The following ABCA4 variants were observed in gnomAD, a reference collection of about 807,000 sequenced individuals.
The protein encoded by ABCA4 is ATP binding cassette subfamily A member 4.
Under a neutral mutation model 263.7 loss-of-function variants are expected in ABCA4, and 196 were observed. The ratio of observed to expected loss-of-function variants is 0.74; its 90% CI spans 0.66 to 0.84. ABCA4 has a LOEUF of 0.84. Among genes scored for constraint, ABCA4 ranks in the 40% least tolerant of loss-of-function variants. The probability of loss-of-function intolerance (pLI) is 0.00; values close to 1 mark genes in which losing one functional copy is unlikely to be tolerated. For missense variants in ABCA4, 2,792 were observed against 2,855.1 expected (o/e 0.98, Z 0.50); for synonymous variants, 1,133 against 1,094.2 (o/e 1.04, Z -0.70).
chr1:93,997,785 T>G (rs527854457), intron 48 of ABCA4, 76 bp downstream of exon 48: 1 of 1,595,382 alleles, frequency 6.3e-7, no homozygotes, highest in African/African-American at 1.3e-5. Context: ...TGCCTCCCTC[T>G]TATGGCAATT....
intron 36 of ABCA4, among the ~76,000 whole-genome samples, chr1:94,017,088 T>G (rs1394272085): frequency 1.3e-5 from 2 of 152,172 alleles, no homozygotes; most frequent in South Asian, 4.1e-4. Context: ...GATTAACACA[T>G]GAACCATGAC....
intron 4 of ABCA4, among the ~76,000 whole-genome samples, chr1:94,108,211 C>T (rs868157559): frequency 2.0e-5 from 3 of 152,202 alleles, no homozygotes; most frequent in Admixed American, 6.5e-5. Context: ...TCCTGGTTAG[C>T]TCTCGCTCTA....
In ABCA4 at chr1:94,041,325, C is replaced by T; in HGVS notation, c.3406G>A (p.Gly1136Arg). Reference protein sequence around the residue: ...LGDRIAIIAQGRLYCSGTPLF... With the variant: ...LGDRIAIIAQRRLYCSGTPLF... ...GGGGTGCCTGAGCAGTAGAGCCTTC[C>T]CTGGGCAATGATGGCAATGCGGTCC... The change falls in exon 23 of 50, where the codon GGA (glycine) becomes AGA (arginine). Residue 1136 changes from glycine to arginine, a missense_variant. Physicochemically the swap from Gly to Arg is moderately radical, Grantham distance 125 (BLOSUM62 -2). Transcript: ENST00000370225. 6.2e-7 allele frequency: 1 copy of T among 1,614,078 alleles called. No homozygotes were observed. The highest frequency in any genetic ancestry group is 1.1e-5 in the South Asian group (1 of 91,084).
chr1:94,003,776 G>C (rs1021915924), intron 44 of ABCA4, among the ~76,000 whole-genome samples: 1 of 152,032 alleles, frequency 6.6e-6, no homozygotes, highest in Non-Finnish European at 1.5e-5. Context: ...TGGGACTATA[G>C]GCGTGCACCA....
chr1:94,100,040 T>A (rs1321543403), intron 5 of ABCA4, among the ~76,000 whole-genome samples: 2 of 152,118 alleles, frequency 1.3e-5, no homozygotes, highest in Non-Finnish European at 2.9e-5. Flanking sequence ...TTCGTGAGAT[T>A]CCCGGGGCAC....
At chr1:94,053,750 T>C (rs886295835) in intron 16 of ABCA4, among the ~76,000 whole-genome samples, 2 of 152,256 alleles carry the variant, frequency 1.3e-5, no homozygotes, top group African/African-American at 4.8e-5. Flanking sequence ...GAGATATAAA[T>C]GGCTGTTGTC....
intron 18 of ABCA4, 140 bp downstream of exon 18, chr1:94,048,728 C>A (rs1660754922): frequency 1.3e-6 from 1 of 797,410 alleles, no homozygotes; most frequent in Admixed American, 2.0e-5. Flanking sequence ...GAGAAGGGAT[C>A]TGGTTTAACA....
intron 3 of ABCA4, 46 bp from the exon 4 acceptor site, chr1:94,108,762 A>G: frequency 6.2e-7 from 1 of 1,606,088 alleles, no homozygotes; most frequent in Non-Finnish European, 8.5e-7. Context: ...TGTTATTTTT[A>G]TAACAGTAAT....
At chr1:93,995,999 C>G (rs935122623) in intron 49 of ABCA4, 110 bp downstream of exon 49, 21 of 951,206 alleles carry the variant, frequency 2.2e-5, no homozygotes, top group Non-Finnish European at 2.6e-5. Context: ...GGGTGGGGCT[C>G]TCTGTAGGAG....
At chr1:94,046,134 G>A (rs1246248571) in intron 19 of ABCA4, among the ~76,000 whole-genome samples, 9 of 151,904 alleles carry the variant, frequency 5.9e-5, no homozygotes, top group Non-Finnish European at 1.0e-4. Flanking sequence ...GTAGGAAAAG[G>A]AATGTTCCTT....
intron 24 of ABCA4, among the ~76,000 whole-genome samples, chr1:94,039,479 T>C (rs1416432745): frequency 6.6e-6 from 1 of 152,240 alleles, no homozygotes; most frequent in Non-Finnish European, 1.5e-5. Context: ...AGAGAGGGGA[T>C]AGCCTCTCCA....
Position 94,060,729 on chromosome 1 carries a change from A to T in ABCA4, c.1968T>A (p.Pro656=), listed in dbSNP as rs377043598. The T allele has an allele frequency of 6.2e-6, 10 of 1,613,680 alleles. No homozygotes were observed. The highest frequency in any genetic ancestry group is 1.3e-5 in the African/African-American group (1 of 74,938). Residue 656 remains proline (P), a synonymous_variant, in exon 14 of 50, where the codon CCT becomes CCA. Transcript: ENST00000370225. ...AGATCCATGCCAGCACCATGAAGAT[A>T]GGGAAACAGCGGTTCAGGATGATCA... ...SFMIILNRCF[P]IFMVLAWIYS...
intron 7 of ABCA4, among the ~76,000 whole-genome samples, chr1:94,081,436 G>A (rs189709435): frequency 1.3e-4 from 20 of 152,206 alleles, no homozygotes; most frequent in Admixed American, 5.2e-4. Context: ...AAAATGATTG[G>A]GGAATGATTC....
chr1:94,046,473 A>AAAG (rs1553191044), intron 19 of ABCA4, among the ~76,000 whole-genome samples: 11 of 120,850 alleles, frequency 9.1e-5, no homozygotes, highest in Admixed American at 1.8e-4. Context: ...AAAAAAAAAA[A>AAAG]AAAGAAAAGA....
intron 26 of ABCA4, among the ~76,000 whole-genome samples, chr1:94,032,839 C>A (rs79794578): frequency 0.016 from 2,462 of 152,226 alleles, 68 homozygotes; most frequent in African/African-American, 0.056. Context: ...CCTGGGGAGG[C>A]AGAGTTGGGT....
chr1:94,101,452 C>A (rs1662285724), intron 5 of ABCA4, among the ~76,000 whole-genome samples: 1 of 152,220 alleles, frequency 6.6e-6, no homozygotes, highest in African/African-American at 2.4e-5. Flanking sequence ...TTCCCCTTGT[C>A]TAGTTTCGGT....
intron 30 of ABCA4, 140 bp downstream of exon 30, chr1:94,029,305 G>A: frequency 1.2e-6 from 1 of 835,702 alleles, no homozygotes. Context: ...CTCCCAGAGG[G>A]TGCAGGGAGT....
Position 94,000,909 on chromosome 1 carries a change from G to A in ABCA4, c.6406C>T (p.Leu2136=). 6.2e-7 allele frequency: 1 copy of A among 1,614,214 alleles called. No homozygotes were observed. Among genetic ancestry groups the A allele is most frequent in the Admixed American group, 1.7e-5 (1 of 60,036 alleles). ...ACCATGATGGCCAGCCGGGTACACA[G>A]TGCCTCACATTCTTCCATGCTGTGG... The part of the protein sequence containing the change: ...TSHSMEECEA[L]CTRLAIMVKG... The change falls in exon 47 of 50, where the codon CTG becomes TTG. Residue 2136 remains leucine (L), a synonymous_variant. Coordinates refer to ENST00000370225, the MANE Select transcript of ABCA4 (RefSeq NM_000350.3).
intron 43 of ABCA4, among the ~76,000 whole-genome samples, chr1:94,007,023 A>G (rs963271727): frequency 1.3e-4 from 20 of 152,198 alleles, no homozygotes; most frequent in African/African-American, 4.6e-4. Flanking sequence ...ACCCTCCAGA[A>G]TCCAAGGGCA....
Sources: gnomAD v4.1 joint callset for allele counts (sites outside exome capture counted in the v4.1 genomes callset) on GRCh38, gnomAD v4.1.1 for gene constraint, MANE v1.5 for transcripts, NCBI Gene and HGNC (gene_info 2026-07-23, HGNC 2026-07-21) for gene names.